Variants in KIFAP3 observed in about 807,000 individuals in gnomAD.
KIFAP3 encodes kinesin-associated protein 3.
KIFAP3 carries 68 observed loss-of-function variants against 106.5 expected under a neutral mutation model. The ratio of observed to expected loss-of-function variants is 0.64; its 90% CI spans 0.53 to 0.78. KIFAP3 has a LOEUF of 0.78. Among genes scored for constraint, KIFAP3 ranks in the 30% least tolerant of loss-of-function variants. KIFAP3 has a pLI of 0.00. For synonymous variants in KIFAP3, 320 were observed against 311.5 expected (o/e 1.03, Z -0.29); for missense variants, 780 against 941.8 (o/e 0.83, Z 2.25).
intron 19 of KIFAP3, among the ~76,000 whole-genome samples, chr1:169,922,663 A>G (rs1662890081): frequency 6.6e-6 from 1 of 152,244 alleles, no homozygotes; most frequent in Non-Finnish European, 1.5e-5. Flanking sequence ...GCCAGGCAGA[A>G]CATGGTGGCC....
At chr1:169,988,126 G>A (rs1666925038) in intron 11 of KIFAP3, among the ~76,000 whole-genome samples, 1 of 152,006 alleles carries the variant, frequency 6.6e-6, no homozygotes, top group Non-Finnish European at 1.5e-5. Flanking sequence ...AATATTGGGA[G>A]AGATTATGAG....
At chr1:170,016,989 T>C (rs1210494517) in intron 9 of KIFAP3, among the ~76,000 whole-genome samples, 1 of 152,224 alleles carries the variant, frequency 6.6e-6, no homozygotes, top group Admixed American at 6.5e-5. Context: ...CTGGGCACAG[T>C]GGCTCACGCC....
chr1:170,045,404 A>C (rs2102081844), intron 3 of KIFAP3, among the ~76,000 whole-genome samples: 1 of 152,318 alleles, frequency 6.6e-6, no homozygotes, highest in African/African-American at 2.4e-5. Context: ...AGGCTTTTAA[A>C]AAGTCTAAAC....
chr1:170,080,207 CA>C (rs1671998506), intron 1 of KIFAP3, among the ~76,000 whole-genome samples: 1 of 151,866 alleles, frequency 6.6e-6, no homozygotes, highest in East Asian at 1.9e-4. Context: ...ATAAATCTAC[CA>C]AAATTTGTTC....
intron 16 of KIFAP3, 139 bp from the exon 17 acceptor site, chr1:169,972,737 A>C: frequency 2.0e-6 from 1 of 507,580 alleles, no homozygotes; most frequent in Non-Finnish European, 3.5e-6. Flanking sequence ...CATTAATACA[A>C]GATGACCAAA....
chr1:170,020,866 C>T (rs560910382), intron 9 of KIFAP3, among the ~76,000 whole-genome samples: 19 of 152,150 alleles, frequency 1.2e-4, no homozygotes, highest in South Asian at 2.1e-4. Flanking sequence ...TATACTAAAA[C>T]GACAATGACA....
intron 16 of KIFAP3, among the ~76,000 whole-genome samples, chr1:169,977,577 T>C (rs1666289538): frequency 6.6e-6 from 1 of 152,176 alleles, no homozygotes; most frequent in Non-Finnish European, 1.5e-5. Context: ...TAGGGCTATT[T>C]GATTTACAAT....
At chr1:169,931,821 TG>T (rs1663502085) in intron 19 of KIFAP3, among the ~76,000 whole-genome samples, 1 of 152,216 alleles carries the variant, frequency 6.6e-6, no homozygotes, top group Non-Finnish European at 1.5e-5. Context: ...TTAACTATAC[TG>T]TCTGGTACTG....
At chr1:169,984,349 A>T (rs1267789107) in intron 12 of KIFAP3, among the ~76,000 whole-genome samples, 1 of 151,820 alleles carries the variant, frequency 6.6e-6, no homozygotes, top group African/African-American at 2.4e-5. Flanking sequence ...TAAAAATCAA[A>T]TTTCAATTAA....
At position 169,983,290 on chromosome 1, in the gene KIFAP3, G is replaced by A; in HGVS notation, c.1486C>T (p.Pro496Ser). 6 of 1,602,596 alleles carry A rather than the reference G, an allele frequency of 3.7e-6. No homozygotes were observed. The highest frequency in any genetic ancestry group is 5.1e-6 in the Non-Finnish European group (6 of 1,172,796). Reference protein sequence around the residue: ...MIRNISQHDGPTKNLFIDYVG... With the variant: ...MIRNISQHDGSTKNLFIDYVG... ...CTTACAATAAACAGATTTTTAGTTGGTCCATCATGCTGAGAAATGTTTCTA... is the reference window on the plus strand; with the variant it reads ...CTTACAATAAACAGATTTTTAGTTGATCCATCATGCTGAGAAATGTTTCTA... The change falls in exon 13 of 20, where the codon CCA becomes TCA. Residue 496 changes from proline to serine, a missense_variant. Pro to Ser is a moderately conservative substitution (Grantham distance 74, BLOSUM62 -1). Around this residue, in one of 3 missense-constraint regions of KIFAP3, gnomAD observed 588 missense variants for 678.9 expected, o/e 0.87. Transcript: ENST00000361580.
At chr1:170,072,251 TTAA>T in intron 1 of KIFAP3, among the ~76,000 whole-genome samples, 1 of 152,342 alleles carries the variant, frequency 6.6e-6, no homozygotes, top group South Asian at 2.1e-4. Context: ...CTGACTTTAC[TTAA>T]TAATCTATGT....
upstream of KIFAP3, among the ~76,000 whole-genome samples, chr1:170,077,422 T>G (rs1671942951): frequency 6.6e-6 from 1 of 152,156 alleles, no homozygotes; most frequent in South Asian, 2.1e-4. Context: ...TGAATACATT[T>G]GAAATATTCA....
At chr1:170,060,550 T>C (rs913041891) in intron 1 of KIFAP3, among the ~76,000 whole-genome samples, 11 of 152,148 alleles carry the variant, frequency 7.2e-5, no homozygotes, top group African/African-American at 1.2e-4. Context: ...TGCTCATGGA[T>C]AGGAAGAATC....
rs1055511427 is a variant in KIFAP3 at position 169,972,654 on chromosome 1, A to C, written c.1898-56T>G. On this transcript the variant is annotated intron_variant, in intron 16 of 19. Transcript: ENST00000361580. ...CATTTGATATTGTGGCTAGTCAATA[A>C]TACTACAAAAATCTCATATTTTTCT... The C allele has an allele frequency of 3.7e-6, 3 of 801,066 alleles. No homozygotes were observed. The African/African-American group carries it at 5.3e-5, about 14-fold the overall frequency. The allele number at this position is 801,066 out of a possible 1,614,324, so 49.6% of individuals were successfully genotyped here.
intron 10 of KIFAP3, among the ~76,000 whole-genome samples, chr1:170,004,859 G>C (rs75089174): frequency 2.0e-5 from 3 of 150,364 alleles, no homozygotes; most frequent in Non-Finnish European, 3.0e-5. Flanking sequence ...TGACAAATGG[G>C]ATCTAATTAA....
chr1:170,027,487 A>T (rs1669174664), intron 8 of KIFAP3, among the ~76,000 whole-genome samples: 1 of 152,192 alleles, frequency 6.6e-6, no homozygotes, highest in Admixed American at 6.5e-5. Context: ...TCTAAAAGTT[A>T]AGTAGAGACA....
intron 9 of KIFAP3, among the ~76,000 whole-genome samples, chr1:170,023,869 G>A (rs994254583): frequency 6.6e-6 from 1 of 151,998 alleles, no homozygotes; most frequent in Non-Finnish European, 1.5e-5. Flanking sequence ...AATAAAGAAG[G>A]TATGAATAAA....
chr1:169,974,038 A>G (rs116112655), intron 16 of KIFAP3, among the ~76,000 whole-genome samples: 2,038 of 152,010 alleles, frequency 0.013, 19 homozygotes, highest in Middle Eastern at 0.031. Context: ...CATGGAAAAT[A>G]GAAGTGGAGA....
intron 15 of KIFAP3, among the ~76,000 whole-genome samples, chr1:169,980,839 C>T (rs879797814): frequency 1.3e-5 from 2 of 152,146 alleles, no homozygotes; most frequent in Non-Finnish European, 2.9e-5. Flanking sequence ...CAGTGGCTCA[C>T]GCCTGTAATC....
Sources: allele counts gnomAD v4.1 joint callset (sites outside exome capture counted in the v4.1 genomes callset), GRCh38; gene constraint gnomAD v4.1.1; regional missense constraint gnomAD v4.1.1; transcripts MANE v1.5; gene names NCBI Gene and HGNC (gene_info 2026-07-23, HGNC 2026-07-21).